PUS10: variants seen among roughly 807,000 people sequenced by gnomAD.
PUS10 encodes the protein tRNA pseudouridine synthase Pus10.
In PUS10, 59 loss-of-function variants were observed where a neutral mutation model predicts 75.0. The ratio of observed to expected loss-of-function variants is 0.79; its 90% confidence interval spans 0.64 to 0.98. The LOEUF is 0.98. Ranked by LOEUF, PUS10 falls within the 50% of genes least tolerant of loss-of-function variation. The probability of loss-of-function intolerance (pLI) is 0.00; values close to 1 mark genes in which losing one functional copy is unlikely to be tolerated. For synonymous variants in PUS10, 219 were observed against 211.6 expected (o/e 1.03, Z -0.30); for missense variants, 650 against 614.4 (o/e 1.06, Z -0.61).
intron 4 of PUS10, 87 bp downstream of exon 4, chr2:61,006,470 G>T: frequency 1.0e-6 from 1 of 957,352 alleles, no homozygotes; most frequent in South Asian, 1.5e-5. Flanking sequence ...AAATATAATA[G>T]AGTAAGGAAT....
At chr2:60,979,899 G>C (rs1677277471) in intron 4 of PUS10, among the ~76,000 whole-genome samples, 1 of 152,196 alleles carries the variant, frequency 6.6e-6, no homozygotes, top group Non-Finnish European at 1.5e-5. Context: ...AGGTTTTACA[G>C]CTCTATTACT....
intron 4 of PUS10, among the ~76,000 whole-genome samples, chr2:61,002,100 A>G (rs1678892900): frequency 6.6e-6 from 1 of 152,198 alleles, no homozygotes; most frequent in Non-Finnish European, 1.5e-5. Context: ...AAGTTTTGTC[A>G]TTGTAACAGC....
chr2:61,013,190 T>G (rs955256675), intron 1 of PUS10, among the ~76,000 whole-genome samples: 1 of 150,392 alleles, frequency 6.6e-6, no homozygotes, highest in African/African-American at 2.4e-5. Flanking sequence ...GAGGTAGAGG[T>G]TGTAGTGAAT....
At chr2:60,951,659 G>A (rs932697423) in intron 15 of PUS10, among the ~76,000 whole-genome samples, 1 of 152,206 alleles carries the variant, frequency 6.6e-6, no homozygotes, top group African/African-American at 2.4e-5. Flanking sequence ...GGGAGCAGCT[G>A]TAAATATAGA....
chr2:60,960,897 AGC>A lies in PUS10; in HGVS notation c.875-382_875-381del, dbSNP rs1482223294. Among the ~76,000 whole-genome samples the A allele has an allele frequency of 1.4e-4, 22 of 151,864 alleles. No homozygotes were observed. In the South Asian group the frequency reaches 4.0e-3, roughly 27 times the overall value. On this transcript the variant is annotated intron_variant, in intron 10 of 17. Coordinates refer to ENST00000316752, the MANE Select transcript of PUS10 (RefSeq NM_144709.4). ...ACTTGCTTTTACACCTGATGAGTAAAGCTACAGTAAGGCAGGTAGCTTTCATT... is the reference window on the plus strand; with the variant it reads ...ACTTGCTTTTACACCTGATGAGTAAATACAGTAAGGCAGGTAGCTTTCATT...
chr2:60,963,977 C>A (rs1038518185), intron 8 of PUS10, among the ~76,000 whole-genome samples: 2 of 152,326 alleles, frequency 1.3e-5, no homozygotes, highest in Admixed American at 6.5e-5. Context: ...TTGGGCAGAG[C>A]TTCCCAACTG....
intron 1 of PUS10, among the ~76,000 whole-genome samples, chr2:61,015,145 A>T (rs1679884011): frequency 6.6e-6 from 1 of 152,192 alleles, no homozygotes; most frequent in Admixed American, 6.5e-5. Context: ...TGCCTAAGTA[A>T]ATTTGGGCTC....
intron 17 of PUS10, chr2:60,944,217 A>C: frequency 1.0e-6 from 1 of 985,156 alleles, no homozygotes; most frequent in Non-Finnish European, 1.2e-6. Flanking sequence ...GCTCCCTGCA[A>C]CCTTGAGGGC....
chr2:61,010,867 CTCTG>C, intron 2 of PUS10: 1 of 1,550,202 alleles, frequency 6.5e-7, no homozygotes, highest in Non-Finnish European at 8.7e-7. Context: ...TGCTTAACCT[CTCTG>C]TATCTCAGTT....
rs191549406 is a variant in PUS10, at chr2:60,941,262, T to A, written c.*1133A>T. On this transcript the variant is annotated 3_prime_UTR_variant, in exon 18 of 18. Coordinates refer to ENST00000316752, the MANE Select transcript of PUS10 (RefSeq NM_144709.4). ...CAAATGGTAACTATATAAGATTGTATTAAATAGTCTTGGGCTATTTTTTGG... is the reference window on the plus strand; with the variant it reads ...CAAATGGTAACTATATAAGATTGTAATAAATAGTCTTGGGCTATTTTTTGG... The A allele has an allele frequency of 4.0e-4, 61 of 152,458 alleles. No homozygotes were observed. Among genetic ancestry groups the A allele is most frequent in the Middle Eastern group, 3.4e-3 (1 of 294 alleles). 9.4% of individuals were successfully genotyped at this position (152,458 alleles called of 1,614,324 possible).
chr2:60,978,373 G>A (rs1245532123), intron 4 of PUS10, among the ~76,000 whole-genome samples: 2 of 142,294 alleles, frequency 1.4e-5, no homozygotes, highest in East Asian at 4.1e-4. Context: ...AGTGAGCTGA[G>A]ATTGCACCAC....
chr2:60,950,479 G>A (rs139660174), intron 15 of PUS10, among the ~76,000 whole-genome samples: 4 of 152,188 alleles, frequency 2.6e-5, no homozygotes, highest in African/African-American at 9.6e-5. Context: ...GTGCTGTGGC[G>A]CGATCTCAGC....
chr2:60,961,396 G>T, intron 10 of PUS10, 67 bp downstream of exon 10: 1 of 1,135,078 alleles, frequency 8.8e-7, no homozygotes, highest in Non-Finnish European at 1.3e-6. Context: ...TAGAACAGGA[G>T]TCAGCTGAGT....
At chr2:60,995,821 T>A (rs1678423182) in intron 4 of PUS10, among the ~76,000 whole-genome samples, 2 of 152,232 alleles carry the variant, frequency 1.3e-5, no homozygotes, top group Non-Finnish European at 2.9e-5. Flanking sequence ...TACACATTTT[T>A]AAAAGAAACT....
intron 11 of PUS10, among the ~76,000 whole-genome samples, chr2:60,956,524 G>A (rs529834102): frequency 6.6e-6 from 1 of 152,116 alleles, no homozygotes; most frequent in African/African-American, 2.4e-5. Context: ...GTTACTGAAG[G>A]AGCAGAAATC....
At chr2:60,970,128 A>C (rs1676569491) in intron 5 of PUS10, among the ~76,000 whole-genome samples, 1 of 152,114 alleles carries the variant, frequency 6.6e-6, no homozygotes, top group African/African-American at 2.4e-5. Context: ...ACTCATTAGC[A>C]ACATAGATAT....
chr2:60,965,207 A>G lies in PUS10; in HGVS notation c.678-104T>C, dbSNP rs758515333. 3.5e-5 allele frequency: 41 copies of G among 1,178,452 alleles called. 1 individual carries two copies. Among genetic ancestry groups the G allele is most frequent in the South Asian group, 1.5e-4 (12 of 78,500 alleles). The allele number at this position is 1,178,452 out of a possible 1,614,324, so 73.0% of individuals were successfully genotyped here. ...AAATGGCTGCTAAACTCAGGACATCAGGAGCAGACAAAATGAGTCCCTGTA... is the reference window on the plus strand; with the variant it reads ...AAATGGCTGCTAAACTCAGGACATCGGGAGCAGACAAAATGAGTCCCTGTA... On this transcript the variant is annotated intron_variant, in intron 7 of 17. Transcript: ENST00000316752.
At chr2:60,955,847 G>A (rs957737589) in intron 11 of PUS10, among the ~76,000 whole-genome samples, 2 of 152,004 alleles carry the variant, frequency 1.3e-5, no homozygotes, top group East Asian at 1.9e-4. Flanking sequence ...GGCCATAAGC[G>A]TATGGTGAAA....
chr2:60,979,548 C>G (rs1422288991), intron 4 of PUS10, among the ~76,000 whole-genome samples: 1 of 152,190 alleles, frequency 6.6e-6, no homozygotes, highest in African/African-American at 2.4e-5. Flanking sequence ...CCCGCCACCT[C>G]CCCATCTCAA....
Sources: gnomAD v4.1 joint callset for allele counts (sites outside exome capture counted in the v4.1 genomes callset) on GRCh38, gnomAD v4.1.1 for gene constraint, MANE v1.5 for transcripts, NCBI Gene and HGNC (gene_info 2026-07-23, HGNC 2026-07-21) for gene names.